The following RBFOX1 variants were observed in gnomAD, a reference collection of about 807,000 sequenced individuals.
RBFOX1 encodes the protein RNA binding protein fox-1 homolog 1.
RBFOX1 carries 8 observed loss-of-function variants against 57.7 expected under a neutral mutation model. The ratio of observed to expected loss-of-function variants is 0.14; its 90% CI spans 0.08 to 0.25. The LOEUF (loss-of-function observed/expected upper bound fraction) is 0.25, where lower values mean the gene tolerates loss of function less well. Ranked by LOEUF, RBFOX1 falls within the 10% of genes least tolerant of loss-of-function variation. The pLI, the probability that RBFOX1 is intolerant of heterozygous loss-of-function variation, is 1.00. For missense variants in RBFOX1, 611 were observed against 548.5 expected (o/e 1.11, Z -1.14); for synonymous variants, 326 against 222.4 (o/e 1.47, Z -4.15).
chr16:6,540,175 C>A (rs2096793955), intron 2 of RBFOX1, among the ~76,000 whole-genome samples: 1 of 152,064 alleles, frequency 6.6e-6, no homozygotes, highest in Admixed American at 6.5e-5. Context: ...ATTTGTGAAT[C>A]TGAGGTCTAT....
At chr16:7,038,318 C>G (rs1174870110) in intron 3 of RBFOX1, among the ~76,000 whole-genome samples, 1 of 152,064 alleles carries the variant, frequency 6.6e-6, no homozygotes, top group Non-Finnish European at 1.5e-5. Context: ...TGAAGGAGGG[C>G]AATTATAACC....
rs535343989 is a variant in RBFOX1 at position 7,636,232 on chromosome 16, C to T, written c.757+5549C>T. Among the ~76,000 whole-genome samples the T allele has an allele frequency of 2.0e-5, 3 of 152,372 alleles. No homozygotes were observed. In the South Asian group the frequency reaches 6.2e-4, roughly 32 times the overall value. On this transcript the variant is annotated intron_variant, in intron 11 of 15. Coordinates refer to ENST00000550418, the MANE Select transcript of RBFOX1 (RefSeq NM_018723.4). The stretch of plus-strand genomic sequence containing the variant: ...CAAACATGGAACTGTTGGTTCCCTT[C>T]CAGCATGCTTGCCAGCACTGCCATG...
chr16:6,963,085 C>G (rs2083361766), intron 3 of RBFOX1, among the ~76,000 whole-genome samples: 1 of 152,090 alleles, frequency 6.6e-6, no homozygotes. Flanking sequence ...GGCCCACCTT[C>G]CCTCTCCTTT....
chr16:7,610,118 C>CTTTTTTTTTTTTTTTT (rs34468596), intron 10 of RBFOX1, among the ~76,000 whole-genome samples: 2,924 of 65,554 alleles, frequency 0.045, 628 homozygotes, highest in African/African-American at 0.092. Flanking sequence ...GCCCGGCCCC[C>CTTTTTTTTTTTTTTTT]TTTTTTTTTT....
chr16:7,049,178 C>T (rs936806242), intron 3 of RBFOX1, among the ~76,000 whole-genome samples: 3 of 152,130 alleles, frequency 2.0e-5, no homozygotes, highest in African/African-American at 4.8e-5. Flanking sequence ...GTTTGTTGTC[C>T]TCCACCCAGA....
intron 4 of RBFOX1, among the ~76,000 whole-genome samples, chr16:6,010,041 C>G (rs1000915953): frequency 9.2e-5 from 14 of 152,124 alleles, no homozygotes; most frequent in African/African-American, 3.4e-4. Flanking sequence ...TCTTTCTTAT[C>G]AGGCACGTGG....
chr16:5,599,005 C>T (rs756997932), exon 3 of RBFOX1: 181 of 1,438,088 alleles, frequency 1.3e-4, no homozygotes, highest in South Asian at 6.1e-4. Flanking sequence ...TTTGAAACTA[C>T]TTTTGCATCC....
In RBFOX1 at chr16:6,562,113, G is replaced by A. The variant is rs1013324283; in HGVS notation, c.-63-92490G>A. On this transcript the variant is annotated intron_variant, in intron 2 of 15. Coordinates refer to ENST00000550418, the MANE Select transcript of RBFOX1 (RefSeq NM_018723.4). ...ATTTCTACTGATGTCGGCTGCATGGGTAGAGAATTAGACTCCATAGTTCAA... is the reference window on the plus strand; with the variant it reads ...ATTTCTACTGATGTCGGCTGCATGGATAGAGAATTAGACTCCATAGTTCAA... Among the ~76,000 whole-genome samples, 34 of 152,188 alleles carry A rather than the reference G, an allele frequency of 2.2e-4. 1 individual carries two copies. Among genetic ancestry groups the A allele is most frequent in the African/African-American group, 7.7e-4 (32 of 41,456 alleles).
intron 3 of RBFOX1, among the ~76,000 whole-genome samples, chr16:6,931,340 T>TACACAC (rs1555640313): frequency 7.9e-4 from 85 of 107,002 alleles, no homozygotes; most frequent in African/African-American, 2.6e-3. Context: ...TATCTATCTC[T>TACACAC]ACACACACAC....
intron 1 of RBFOX1, among the ~76,000 whole-genome samples, chr16:6,029,647 C>A (rs1407273509): frequency 6.6e-6 from 1 of 151,830 alleles, no homozygotes; most frequent in African/African-American, 2.4e-5. Context: ...GTGGCGGGTG[C>A]CTGTAGTCCC....
intron 1 of RBFOX1, among the ~76,000 whole-genome samples, chr16:5,466,326 C>T (rs2068952107): frequency 6.6e-6 from 1 of 152,124 alleles, no homozygotes. Flanking sequence ...CTGACTCAGC[C>T]TTCTGAGACC....
intron 1 of RBFOX1, among the ~76,000 whole-genome samples, chr16:5,274,326 C>T (rs1342078834): frequency 1.3e-5 from 2 of 152,028 alleles, no homozygotes; most frequent in Non-Finnish European, 2.9e-5. Flanking sequence ...GCCAGGAGTT[C>T]GAGACCAGCC....
chr16:7,273,719 A>G (rs1001300930), intron 4 of RBFOX1, among the ~76,000 whole-genome samples: 2 of 152,174 alleles, frequency 1.3e-5, no homozygotes, highest in Non-Finnish European at 2.9e-5. Context: ...ACGTTTAGTA[A>G]TTTTATCTAA....
chr16:5,641,287 G>A (rs2048866018), intron 3 of RBFOX1, among the ~76,000 whole-genome samples: 1 of 152,206 alleles, frequency 6.6e-6, no homozygotes, highest in Non-Finnish European at 1.5e-5. Flanking sequence ...TAGGTGCTGA[G>A]AATACAGTGG....
chr16:5,849,544 C>G (rs527820505), intron 3 of RBFOX1, among the ~76,000 whole-genome samples: 3 of 152,138 alleles, frequency 2.0e-5, no homozygotes, highest in Non-Finnish European at 4.4e-5. Context: ...CATGGCCCCT[C>G]TGATTTCCAT....
intron 2 of RBFOX1, among the ~76,000 whole-genome samples, chr16:6,585,525 T>C (rs969965922): frequency 3.9e-5 from 6 of 152,240 alleles, no homozygotes; most frequent in Non-Finnish European, 8.8e-5. Context: ...TGACATGTTT[T>C]GCAAGGTCCT....
intron 11 of RBFOX1, among the ~76,000 whole-genome samples, chr16:7,648,311 C>T (rs906798103): frequency 1.3e-5 from 2 of 152,082 alleles, no homozygotes; most frequent in Non-Finnish European, 2.9e-5. Flanking sequence ...CCTCCTCTAC[C>T]TCTCCTGGGT....
intron 4 of RBFOX1, among the ~76,000 whole-genome samples, chr16:7,435,799 C>A (rs1288492833): frequency 5.9e-5 from 9 of 152,188 alleles, no homozygotes; most frequent in African/African-American, 2.2e-4. Flanking sequence ...GTGCCAGATC[C>A]TGTGTCAAAG....
intron 4 of RBFOX1, among the ~76,000 whole-genome samples, chr16:5,911,809 G>A (rs1481706565): frequency 2.0e-5 from 3 of 152,094 alleles, no homozygotes; most frequent in Non-Finnish European, 4.4e-5. Flanking sequence ...GAGCTCTCTA[G>A]GACTTCTTTT....
Sources: gnomAD v4.1 joint callset for allele counts (sites outside exome capture counted in the v4.1 genomes callset) on GRCh38, gnomAD v4.1.1 for gene constraint, MANE v1.5 for transcripts, NCBI Gene and HGNC (gene_info 2026-07-23, HGNC 2026-07-21) for gene names.